Variants in OTUD7A observed in about 807,000 individuals in gnomAD.
OTUD7A encodes OTU deubiquitinase 7A, also known as OTU domain-containing protein 7A.
OTUD7A carries 12 observed loss-of-function variants against 65.7 expected under a neutral mutation model. That is an observed-to-expected ratio of 0.18 (90% confidence interval 0.12 to 0.30). OTUD7A has a LOEUF of 0.30. Among genes scored for constraint, OTUD7A ranks in the 10% least tolerant of loss-of-function variants. The pLI, the probability that OTUD7A is intolerant of heterozygous loss-of-function variation, is 1.00. For synonymous variants in OTUD7A, 641 were observed against 586.3 expected (o/e 1.09, Z -1.35); for missense variants, 1,148 against 1,304.8 (o/e 0.88, Z 1.85).
At chr15:31,753,693 AT>A (rs1567004775) in intron 1 of OTUD7A, among the ~76,000 whole-genome samples, 2 of 14,958 alleles carry the variant, frequency 1.3e-4, no homozygotes, top group African/African-American at 4.6e-4. Flanking sequence ...TGAGATATAT[AT>A]ATATATATTA....
intron 8 of OTUD7A, among the ~76,000 whole-genome samples, chr15:31,520,635 C>A (rs1172089168): frequency 6.6e-6 from 1 of 152,050 alleles, no homozygotes; most frequent in African/African-American, 2.4e-5. Context: ...GTAACAAAAA[C>A]AAAAATAGAT....
At chr15:31,831,608 T>C (rs1318799517) in intron 1 of OTUD7A, among the ~76,000 whole-genome samples, 3 of 152,194 alleles carry the variant, frequency 2.0e-5, no homozygotes, top group Non-Finnish European at 4.4e-5. Flanking sequence ...TTTGTAAACT[T>C]CTCTGTGACC....
At chr15:31,788,072 G>A (rs1895719996) in intron 1 of OTUD7A, among the ~76,000 whole-genome samples, 1 of 152,146 alleles carries the variant, frequency 6.6e-6, no homozygotes, top group African/African-American at 2.4e-5. Flanking sequence ...ATTAATTTTT[G>A]AGTAACTGGA....
At chr15:31,736,305 A>C (rs898633180) in intron 1 of OTUD7A, among the ~76,000 whole-genome samples, 1 of 152,110 alleles carries the variant, frequency 6.6e-6, no homozygotes, top group East Asian at 1.9e-4. Context: ...CCACCCCCCC[A>C]AAAAAAAGAT....
intron 1 of OTUD7A, among the ~76,000 whole-genome samples, chr15:31,800,638 G>A (rs989636527): frequency 1.3e-5 from 2 of 152,152 alleles, no homozygotes; most frequent in Admixed American, 1.3e-4. Flanking sequence ...AGCCAGGTCC[G>A]GGTCTCATCC....
chr15:31,552,591 C>T (rs930506356), intron 5 of OTUD7A, among the ~76,000 whole-genome samples: 31 of 152,252 alleles, frequency 2.0e-4, no homozygotes, highest in African/African-American at 7.0e-4. Flanking sequence ...TGCTTCATCA[C>T]GACGTCACAG....
intron 3 of OTUD7A, among the ~76,000 whole-genome samples, chr15:31,621,814 T>G (rs991424114): frequency 6.7e-6 from 1 of 150,156 alleles, no homozygotes; most frequent in Non-Finnish European, 1.5e-5. Context: ...CATTATGATG[T>G]TAGCTGGTTA....
intron 1 of OTUD7A, among the ~76,000 whole-genome samples, chr15:31,802,928 G>A (rs926950367): frequency 2.0e-5 from 3 of 152,174 alleles, no homozygotes; most frequent in Non-Finnish European, 2.9e-5. Context: ...CCACAGTGAC[G>A]TGGAAGGAGA....
chr15:31,733,732 A>G (rs1313878230), intron 1 of OTUD7A, among the ~76,000 whole-genome samples: 1 of 152,248 alleles, frequency 6.6e-6, no homozygotes, highest in Non-Finnish European at 1.5e-5. Flanking sequence ...TCAGCTATAG[A>G]CAGGATGCTA....
At chr15:31,729,108 T>G (rs1410933691) in intron 1 of OTUD7A, among the ~76,000 whole-genome samples, 2 of 152,230 alleles carry the variant, frequency 1.3e-5, no homozygotes, top group African/African-American at 2.4e-5. Flanking sequence ...GTTGTTAATC[T>G]CTTACTATAC....
At chr15:31,648,185 G>C (rs1193535329) in intron 3 of OTUD7A, among the ~76,000 whole-genome samples, 2 of 152,120 alleles carry the variant, frequency 1.3e-5, no homozygotes, top group Non-Finnish European at 2.9e-5. Context: ...GGGCCTGCCG[G>C]GCACCTGCCC....
At chr15:31,538,280 T>C (rs1184904534) in intron 5 of OTUD7A, among the ~76,000 whole-genome samples, 1 of 152,160 alleles carries the variant, frequency 6.6e-6, no homozygotes, top group Non-Finnish European at 1.5e-5. Context: ...CAGGGTGCTA[T>C]GTGTGCCTGG....
chr15:31,736,828 T>TG (rs1566995560), intron 1 of OTUD7A, among the ~76,000 whole-genome samples: 7 of 147,748 alleles, frequency 4.7e-5, no homozygotes, highest in Admixed American at 1.4e-4. Context: ...CTTCTTTTTT[T>TG]TGGGGGGGCG....
intron 1 of OTUD7A, among the ~76,000 whole-genome samples, chr15:31,728,659 T>C (rs957829244): frequency 6.6e-6 from 1 of 152,250 alleles, no homozygotes; most frequent in Non-Finnish European, 1.5e-5. Flanking sequence ...ACATATCCTT[T>C]AGGTCTCAGG....
chr15:31,560,656 T>C (rs1366112147), intron 4 of OTUD7A, among the ~76,000 whole-genome samples: 1 of 152,350 alleles, frequency 6.6e-6, no homozygotes, highest in South Asian at 2.1e-4. Flanking sequence ...TGGTCTCTGG[T>C]GTTTTATTCA....
intron 1 of OTUD7A, among the ~76,000 whole-genome samples, chr15:31,759,686 CCAT>C (rs1431946782): frequency 3.9e-5 from 6 of 152,154 alleles, no homozygotes; most frequent in Non-Finnish European, 8.8e-5. Context: ...GCGTGCACCA[CCAT>C]GCCTGGCTAT....
At chr15:31,800,114 G>C (rs1029905256) in intron 1 of OTUD7A, among the ~76,000 whole-genome samples, 8 of 152,164 alleles carry the variant, frequency 5.3e-5, no homozygotes, top group Admixed American at 4.6e-4. Context: ...CATCCCATTT[G>C]TGGCCAGATG....
In OTUD7A at chr15:31,484,447, A is replaced by C. The variant is rs916694232; in HGVS notation, c.1649T>G (p.Met550Arg). ...GCCATTGGCGGAGTTGGCGCGGCCCATCTTGCCGTGCACCAGGCCGCCGAG... is the reference window on the plus strand; with the variant it reads ...GCCATTGGCGGAGTTGGCGCGGCCCCTCTTGCCGTGCACCAGGCCGCCGAG... ...GGLGGLVHGK[M>R]GRANSANGKN... The change falls in exon 13 of 13, where the codon ATG (methionine) becomes AGG (arginine). Residue 550 changes from methionine to arginine, a missense_variant. Physicochemically the swap from Met to Arg is moderately conservative, Grantham distance 91. This residue lies in a region of OTUD7A where 842 missense variants were observed against 769.5 expected (regional missense o/e 1.09). Transcript: ENST00000307050. This position sits in a 1 kb window ranked among gnomAD's most constrained non-coding sequence, Gnocchi z 4.5. The C allele has an allele frequency of 6.2e-6, 10 of 1,604,104 alleles. No homozygotes were observed. In the Middle Eastern group the frequency reaches 5.0e-4, roughly 79 times the overall value.
chr15:31,509,521 G>A (rs887505264), intron 8 of OTUD7A, among the ~76,000 whole-genome samples: 16 of 152,118 alleles, frequency 1.1e-4, no homozygotes, highest in East Asian at 3.9e-4. Flanking sequence ...CCTCGTGACC[G>A]CCTGCCTTGG....
Sources: gnomAD v4.1 joint callset for allele counts (sites outside exome capture counted in the v4.1 genomes callset) on GRCh38, gnomAD v4.1.1 for gene constraint, gnomAD v4.1.1 regional missense constraint, Gnocchi (gnomAD v3.1) non-coding constraint, MANE v1.5 for transcripts, NCBI Gene and HGNC (gene_info 2026-07-23, HGNC 2026-07-21) for gene names.